The following CCSER1 variants were observed in gnomAD, a reference collection of about 807,000 sequenced individuals.
The protein encoded by CCSER1 is serine-rich coiled-coil domain-containing protein 1.
A neutral mutation model predicts 82.0 loss-of-function variants in CCSER1; 41 were observed. The ratio of observed to expected loss-of-function variants is 0.50; its 90% CI spans 0.39 to 0.65. CCSER1 has a LOEUF of 0.65. Ranked by LOEUF, CCSER1 falls within the 30% of genes least tolerant of loss-of-function variation. The pLI, the probability that CCSER1 is intolerant of heterozygous loss-of-function variation, is 0.00. For synonymous variants in CCSER1, 414 were observed against 383.9 expected, an observed-to-expected ratio of 1.08 and a Z score of -0.92; for missense variants, 1,119 against 1,064.2, an observed-to-expected ratio of 1.05 and a Z score of -0.72.
Position 90,282,972 on chromosome 4 carries a change from A to G in CCSER1, c.-41-25272A>G, listed in dbSNP as rs1729145475. 2.0e-5 allele frequency among the ~76,000 whole-genome samples: 3 copies of G among 152,118 alleles called. No homozygotes were observed. The South Asian group carries it at 6.2e-4, about 32-fold the overall frequency. On this transcript the variant is annotated intron_variant, in intron 1 of 10. Transcript: ENST00000509176. Reference sequence around the variant, plus strand: ...CACATCAAAGCATTTGGTATAAGGAAACAAAATGATTGTGATACTGCATTA... The same window carrying G: ...CACATCAAAGCATTTGGTATAAGGAGACAAAATGATTGTGATACTGCATTA...
chr4:90,959,944 C>G (rs980321180), intron 9 of CCSER1, among the ~76,000 whole-genome samples: 4 of 152,034 alleles, frequency 2.6e-5, no homozygotes, highest in Admixed American at 2.0e-4. Flanking sequence ...TACCCAAATC[C>G]AGAATTTTAA....
At chr4:90,685,793 T>G (rs1734719758) in intron 6 of CCSER1, among the ~76,000 whole-genome samples, 1 of 152,186 alleles carries the variant, frequency 6.6e-6, no homozygotes, top group African/African-American at 2.4e-5. Context: ...TTATAGCACA[T>G]TTTCTATTTT....
At chr4:90,701,223 C>G (rs1738046271) in intron 6 of CCSER1, among the ~76,000 whole-genome samples, 1 of 152,170 alleles carries the variant, frequency 6.6e-6, no homozygotes, top group Non-Finnish European at 1.5e-5. Context: ...TTTCCCAGCA[C>G]CATTTATTAA....
intron 10 of CCSER1, among the ~76,000 whole-genome samples, chr4:91,456,431 T>A (rs1308014280): frequency 1.3e-5 from 2 of 152,068 alleles, no homozygotes; most frequent in Non-Finnish European, 1.5e-5. Flanking sequence ...AAAAGGGACA[T>A]TTCAAAGGAG....
intron 3 of CCSER1, among the ~76,000 whole-genome samples, chr4:90,384,082 C>A (rs1390843063): frequency 6.6e-6 from 1 of 151,302 alleles, no homozygotes; most frequent in Non-Finnish European, 1.5e-5. Context: ...TTTTTCGAAC[C>A]CTCGTTTTTT....
intron 6 of CCSER1, among the ~76,000 whole-genome samples, chr4:90,700,929 AG>A (rs1475739858): frequency 6.6e-6 from 1 of 152,072 alleles, no homozygotes; most frequent in Non-Finnish European, 1.5e-5. Flanking sequence ...CCCATTCTGT[AG>A]GTTGCCTGTT....
intron 8 of CCSER1, among the ~76,000 whole-genome samples, chr4:90,887,931 A>G (rs1220551233): frequency 1.3e-5 from 2 of 151,366 alleles, no homozygotes; most frequent in Non-Finnish European, 1.5e-5. Context: ...TTAGAAATCA[A>G]CAATGACAGA....
rs188409700 is a variant in CCSER1, at chr4:90,211,493, A to C, written c.-42+83662A>C. On this transcript the variant is annotated intron_variant, in intron 1 of 10. Coordinates refer to ENST00000509176, the MANE Select transcript of CCSER1 (RefSeq NM_001145065.2). ...AAGGAGCTACTGTTATGACTGTGGA[A>C]TCTCCATTGCATTTTATTAGATACA... Among the ~76,000 whole-genome samples, 305 of 152,328 alleles carry C rather than the reference A, an allele frequency of 2.0e-3. 1 individual carries two copies. Among genetic ancestry groups the C allele is most frequent in the African/African-American group, 7.1e-3 (295 of 41,580 alleles).
chr4:91,533,899 A>G (rs1761158534), intron 10 of CCSER1, among the ~76,000 whole-genome samples: 1 of 152,024 alleles, frequency 6.6e-6, no homozygotes. Flanking sequence ...AGTATAAGAT[A>G]TGTAGCTTCT....
At chr4:90,657,789 T>C (rs1055658185) in intron 6 of CCSER1, among the ~76,000 whole-genome samples, 6 of 152,218 alleles carry the variant, frequency 3.9e-5, no homozygotes, top group Non-Finnish European at 8.8e-5. Flanking sequence ...TAATTACAAT[T>C]ATGTTAAGAC....
At chr4:90,442,906 G>T (rs10029712) in intron 4 of CCSER1, among the ~76,000 whole-genome samples, 3,402 of 152,152 alleles carry the variant, frequency 0.022, 116 homozygotes, top group African/African-American at 0.078. Flanking sequence ...CAAGGTCTCA[G>T]TTCTTACCCA....
At chr4:91,083,410 G>A (rs1015450043) in intron 9 of CCSER1, among the ~76,000 whole-genome samples, 2 of 151,902 alleles carry the variant, frequency 1.3e-5, no homozygotes, top group East Asian at 1.9e-4. Context: ...GGAGCCTGCC[G>A]GGGGGTTGGC....
At chr4:90,610,281 A>C (rs1785287774) in intron 5 of CCSER1, among the ~76,000 whole-genome samples, 1 of 151,052 alleles carries the variant, frequency 6.6e-6, no homozygotes, top group Non-Finnish European at 1.5e-5. Context: ...ATAAATAAAT[A>C]AATAAATAAA....
chr4:91,217,548 C>T (rs187715730), intron 10 of CCSER1, among the ~76,000 whole-genome samples: 8,642 of 151,488 alleles, frequency 0.057, 456 homozygotes, highest in African/African-American at 0.14. Flanking sequence ...TACAGAGTGC[C>T]GATTGGTGTA....
intron 5 of CCSER1, among the ~76,000 whole-genome samples, chr4:90,567,986 T>C (rs1442990992): frequency 6.6e-6 from 1 of 152,206 alleles, no homozygotes; most frequent in Admixed American, 6.5e-5. Context: ...TTAATTTCCA[T>C]GTATTTGTGA....
At position 91,488,998 on chromosome 4, in the gene CCSER1, CA is replaced by C. The variant is rs113160257; in HGVS notation, c.2218-109573del. 4.2e-4 allele frequency among the ~76,000 whole-genome samples: 64 copies of C among 152,158 alleles called. 1 individual carries two copies. Among genetic ancestry groups the C allele is most frequent in the African/African-American group, 1.4e-3 (60 of 41,534 alleles). Reference sequence around the variant, plus strand: ...GAGAGTGGTCTAAAATGGAAGAAAGCATTATTTTGTAATCAGGAAAGATTCC... The same window carrying C: ...GAGAGTGGTCTAAAATGGAAGAAAGCTTATTTTGTAATCAGGAAAGATTCC... On this transcript the variant is annotated intron_variant, in intron 10 of 10. Transcript: ENST00000509176.
chr4:91,437,870 G>A (rs758334594), intron 10 of CCSER1, among the ~76,000 whole-genome samples: 1 of 152,204 alleles, frequency 6.6e-6, no homozygotes, highest in African/African-American at 2.4e-5. Flanking sequence ...ACAGAGTCTT[G>A]CTGATTGCTA....
chr4:91,491,860 T>C (rs1758561947), intron 10 of CCSER1, among the ~76,000 whole-genome samples: 1 of 151,918 alleles, frequency 6.6e-6, no homozygotes. Context: ...CAATTCTTCA[T>C]GTTATTCAAA....
chr4:90,232,133 C>A (rs1744705408), intron 1 of CCSER1, among the ~76,000 whole-genome samples: 1 of 152,184 alleles, frequency 6.6e-6, no homozygotes, highest in East Asian at 1.9e-4. Flanking sequence ...TTTAAAGTTC[C>A]TATGAAACCA....
Sources: allele counts gnomAD v4.1 joint callset (sites outside exome capture counted in the v4.1 genomes callset), GRCh38; gene constraint gnomAD v4.1.1; transcripts MANE v1.5; gene names NCBI Gene and HGNC (gene_info 2026-07-23, HGNC 2026-07-21).